Variants in PUDP observed in about 807,000 individuals in gnomAD.
PUDP encodes the protein pseudouridine-5'-phosphatase.
Under a neutral mutation model 9.4 loss-of-function variants are expected in PUDP, and 8 were observed. That is an observed-to-expected ratio of 0.85 (90% CI 0.50 to 1.53). PUDP has a LOEUF of 1.53. PUDP is among the 40% of genes most tolerant of loss of function. The pLI is 0.00. For synonymous variants in PUDP, 99 were observed against 80.7 expected, an observed-to-expected ratio of 1.23 and a Z score of -1.22; for missense variants, 188 against 189.7, an observed-to-expected ratio of 0.99 and a Z score of 0.05.
intron 3 of PUDP, among the ~76,000 whole-genome samples, chrX:6,807,935 G>T (rs1602628229): frequency 1.8e-5 from 2 of 112,039 alleles, no homozygotes; most frequent in African/African-American, 6.5e-5. Flanking sequence ...GGCTAAATTT[G>T]ACTGTAGAAA....
chrX:6,911,100 T>A (rs1435591894), intron 3 of PUDP, among the ~76,000 whole-genome samples: 1 of 112,403 alleles, frequency 8.9e-6, no homozygotes, highest in Non-Finnish European at 1.9e-5. Flanking sequence ...TTGCTTTGGG[T>A]AGAGTTTTCT....
At chrX:6,841,056 A>T (rs1004160628) in intron 3 of PUDP, among the ~76,000 whole-genome samples, 26 of 111,705 alleles carry the variant, frequency 2.3e-4, no homozygotes, top group Non-Finnish European at 4.5e-4. Context: ...AGGTGGGTGG[A>T]TCACAAGGTC....
chrX:6,709,774 A>G (rs989530482), intron 1 of PUDP, among the ~76,000 whole-genome samples: 9 of 112,065 alleles, frequency 8.0e-5, no homozygotes, highest in African/African-American at 2.6e-4. Flanking sequence ...TTTATTTGTA[A>G]AGTTTCCTTA....
intron 3 of PUDP, among the ~76,000 whole-genome samples, chrX:6,901,626 A>T (rs1927687825): frequency 8.9e-6 from 1 of 112,352 alleles, no homozygotes; most frequent in African/African-American, 3.2e-5. Context: ...ACTCATCTGA[A>T]AAATAGCGAT....
chrX:7,087,259 G>C (rs1416646642), intron 2 of PUDP, among the ~76,000 whole-genome samples: 1 of 111,668 alleles, frequency 9.0e-6, no homozygotes, highest in Admixed American at 9.5e-5. Context: ...CAGGACGAGG[G>C]AGGGCGTGTG....
chrX:6,854,441 A>T (rs1251392283), intron 3 of PUDP, among the ~76,000 whole-genome samples: 1 of 111,957 alleles, frequency 8.9e-6, no homozygotes, highest in Non-Finnish European at 1.9e-5. Flanking sequence ...CACTTTTTCA[A>T]TCCAGTGCTA....
intron 3 of PUDP, among the ~76,000 whole-genome samples, chrX:6,740,153 G>A (rs1924918430): frequency 8.9e-6 from 1 of 111,844 alleles, no homozygotes; most frequent in Admixed American, 9.5e-5. Context: ...GTATTGTGGG[G>A]TGGGTGGTCA....
chrX:6,941,075 G>A (rs1411464298), intron 3 of PUDP, among the ~76,000 whole-genome samples: 1 of 111,394 alleles, frequency 9.0e-6, no homozygotes, highest in South Asian at 3.7e-4. Context: ...TGGTGACATA[G>A]CATAGATGTT....
At chrX:6,742,754 G>A (rs1444569100) in intron 3 of PUDP, among the ~76,000 whole-genome samples, 1 of 111,546 alleles carries the variant, frequency 9.0e-6, no homozygotes, top group Non-Finnish European at 1.9e-5. Context: ...CAGCCTGAGC[G>A]ATAGAGCAAG....
chrX:7,105,383 A>G (rs1228019500), intron 2 of PUDP, among the ~76,000 whole-genome samples: 1 of 111,337 alleles, frequency 9.0e-6, no homozygotes, highest in African/African-American at 3.3e-5. Flanking sequence ...TGTTTTTGGA[A>G]CCCAGAAATC....
At chrX:6,761,687 T>C (rs917465042) in intron 3 of PUDP, among the ~76,000 whole-genome samples, 3 of 112,039 alleles carry the variant, frequency 2.7e-5, no homozygotes, top group Non-Finnish European at 5.6e-5. Context: ...AGGATTGAGA[T>C]GCTGATGGGT....
intron 3 of PUDP, among the ~76,000 whole-genome samples, chrX:6,829,545 G>A (rs1193070931): frequency 1.8e-5 from 2 of 111,867 alleles, no homozygotes; most frequent in Non-Finnish European, 3.8e-5. Flanking sequence ...ATTTGGTACT[G>A]TTGGTGTTCT....
At chrX:7,021,426 A>AC (rs757293996) in intron 1 of PUDP, among the ~76,000 whole-genome samples, 8 of 110,552 alleles carry the variant, frequency 7.2e-5, no homozygotes, top group Admixed American at 3.9e-4. Flanking sequence ...CCTTTAATGC[A>AC]CCCCCCCTTA....
intron 3 of PUDP, among the ~76,000 whole-genome samples, chrX:6,968,346 T>C (rs1262590412): frequency 8.9e-6 from 1 of 111,875 alleles, no homozygotes; most frequent in African/African-American, 3.3e-5. Context: ...AGGGAAGGTT[T>C]GTGTTTAACA....
chrX:6,740,615 T>A, intron 3 of PUDP, among the ~76,000 whole-genome samples: 1 of 111,552 alleles, frequency 9.0e-6, no homozygotes. Context: ...CATAAGATCA[T>A]ACATTAAATT....
At chrX:6,824,669 C>A (rs758935150) in intron 3 of PUDP, among the ~76,000 whole-genome samples, 1 of 111,506 alleles carries the variant, frequency 9.0e-6, no homozygotes, top group African/African-American at 3.3e-5. Context: ...ACCTTATTGT[C>A]GGGTTGGGTC....
At chrX:6,764,767 G>T (rs1352367623) in intron 3 of PUDP, among the ~76,000 whole-genome samples, 1 of 111,476 alleles carries the variant, frequency 9.0e-6, no homozygotes, top group Non-Finnish European at 1.9e-5. Flanking sequence ...GCTAAAATTT[G>T]GGCATCTGTG....
chrX:6,865,444 G>A (rs185158492), intron 3 of PUDP, among the ~76,000 whole-genome samples: 1 of 112,154 alleles, frequency 8.9e-6, no homozygotes, highest in East Asian at 2.8e-4. Flanking sequence ...ACATATGGAA[G>A]AAGTGAAGCC....
At chrX:6,754,954 T>C (rs1390872545) in intron 3 of PUDP, among the ~76,000 whole-genome samples, 1 of 111,584 alleles carries the variant, frequency 9.0e-6, no homozygotes, top group African/African-American at 3.3e-5. Flanking sequence ...GTCAATTTCA[T>C]ATCATGTTTT....
Sources: allele counts gnomAD v4.1 joint callset (sites outside exome capture counted in the v4.1 genomes callset), GRCh38; gene constraint gnomAD v4.1.1; transcripts MANE v1.5; gene names NCBI Gene and HGNC (gene_info 2026-07-23, HGNC 2026-07-21).